NUP188: variants seen among roughly 807,000 people sequenced by gnomAD.
NUP188 encodes nucleoporin 188, also known as nucleoporin NUP188.
NUP188 carries 97 observed loss-of-function variants against 223.0 expected under a neutral mutation model. That is an observed-to-expected ratio of 0.43 (90% CI 0.37 to 0.51). The LOEUF is 0.51. Among genes scored for constraint, NUP188 ranks in the 20% least tolerant of loss-of-function variants. The pLI is 0.00. For synonymous variants in NUP188, 869 were observed against 828.0 expected, an observed-to-expected ratio of 1.05 and a Z score of -0.85; for missense variants, 1,947 against 2,175.6, an observed-to-expected ratio of 0.89 and a Z score of 2.09.
intron 26 of NUP188, 37 bp from the exon 27 acceptor site, chr9:128,993,488 G>T (rs780794028): frequency 6.2e-7 from 1 of 1,613,626 alleles, no homozygotes; most frequent in South Asian, 1.1e-5. Flanking sequence ...GCTGGCAGTG[G>T]CTGTGGAACT....
chr9:128,961,813 G>A (rs1672843436), intron 8 of NUP188, among the ~76,000 whole-genome samples: 1 of 151,704 alleles, frequency 6.6e-6, no homozygotes, highest in South Asian at 2.1e-4. Context: ...TAGATACAGG[G>A]TTTCTCCATG....
chr9:128,998,401 C>T, intron 31 of NUP188, 137 bp from the exon 32 acceptor site: 1 of 989,864 alleles, frequency 1.0e-6, no homozygotes, highest in Non-Finnish European at 1.6e-6. Context: ...GCTGCCATGC[C>T]AACCCTGGCT....
chr9:128,959,688 A>G (rs926164473), intron 8 of NUP188, among the ~76,000 whole-genome samples: 2 of 151,066 alleles, frequency 1.3e-5, no homozygotes, highest in African/African-American at 4.9e-5. Context: ...ACCTGCCACC[A>G]CGCCCAGCTA....
rs536720682 is a variant in NUP188 at position 128,961,512 on chromosome 9, A to AAAAT, written c.585+2401_585+2404dup. 2.3e-3 allele frequency among the ~76,000 whole-genome samples: 351 copies of AAAAT among 151,698 alleles called. 1 individual carries two copies. Among genetic ancestry groups the AAAAT allele is most frequent in the African/African-American group, 7.0e-3 (291 of 41,322 alleles). On this transcript the variant is annotated intron_variant, in intron 8 of 43. Coordinates refer to ENST00000372577, the MANE Select transcript of NUP188 (RefSeq NM_015354.3). ...GTGCAACAGAGCAATCTCTGTCTCA[A>AAAAT]AAATAAATAAATAAATAAATAAATA...
At chr9:128,994,535 C>A in intron 28 of NUP188, 93 bp downstream of exon 28, 1 of 834,662 alleles carries the variant, frequency 1.2e-6, no homozygotes, top group Non-Finnish European at 2.0e-6. Context: ...TGATACCTCC[C>A]CTAATTAAAC....
chr9:128,969,337 C>T, intron 9 of NUP188, 63 bp from the exon 10 acceptor site: 5 of 1,033,046 alleles, frequency 4.8e-6, no homozygotes, highest in South Asian at 2.7e-5. Flanking sequence ...TTATATCTCA[C>T]CTTTGTCTCT....
chr9:129,000,074 C>T (rs539769901), intron 34 of NUP188, among the ~76,000 whole-genome samples: 13 of 152,290 alleles, frequency 8.5e-5, no homozygotes, highest in South Asian at 2.1e-4. Flanking sequence ...ATTGTAGCCG[C>T]GGGCAAATGC....
intron 38 of NUP188, 54 bp downstream of exon 38, chr9:129,003,508 G>A (rs1199538948): frequency 6.9e-6 from 11 of 1,592,426 alleles, no homozygotes; most frequent in Admixed American, 1.7e-5. Context: ...GAGACAGGGA[G>A]GCTGTGAGGT....
chr9:128,994,596 T>C (rs1233201386), intron 28 of NUP188, among the ~76,000 whole-genome samples, 154 bp downstream of exon 28: 1 of 152,182 alleles, frequency 6.6e-6, no homozygotes, highest in Non-Finnish European at 1.5e-5. Context: ...AGTGCCAGCT[T>C]TCTGTCCCTT....
In NUP188 at chr9:129,000,742, TAAA is replaced by T. The variant is rs1842635365; in HGVS notation, c.3844-784_3844-782del. On this transcript the variant is annotated intron_variant, in intron 34 of 43. Coordinates refer to ENST00000372577, the MANE Select transcript of NUP188 (RefSeq NM_015354.3). ...TAAACGTGTACATGAGGATACAGTC[TAAA>T]AAGTCTTTATGGGCCGGGCACGGTG... Among the ~76,000 whole-genome samples the T allele has an allele frequency of 2.0e-5, 3 of 151,794 alleles. No homozygotes were observed. The East Asian group carries it at 5.8e-4, about 30-fold the overall frequency.
intron 12 of NUP188, among the ~76,000 whole-genome samples, chr9:128,976,307 T>C (rs560606003): frequency 6.6e-6 from 1 of 152,312 alleles, no homozygotes; most frequent in Non-Finnish European, 1.5e-5. Context: ...GTTTTGTAAA[T>C]TGACTAACTT....
At chr9:128,978,738 C>T (rs961682202) in intron 12 of NUP188, among the ~76,000 whole-genome samples, 1 of 152,004 alleles carries the variant, frequency 6.6e-6, no homozygotes, top group Non-Finnish European at 1.5e-5. Context: ...GAGACAGAGC[C>T]TCACTTTGTT....
Position 128,990,269 on chromosome 9 carries a change from G to A in NUP188, c.2640+43G>A, listed in dbSNP as rs1036318039. ...GCACACACACTGTTTATATGAGGGT[G>A]TTTTTTTCCCCCTGATTACAAAAGA... On this transcript the variant is annotated intron_variant, in intron 25 of 43. Coordinates refer to ENST00000372577, the MANE Select transcript of NUP188 (RefSeq NM_015354.3). The A allele has an allele frequency of 2.0e-6, 3 of 1,477,506 alleles. No homozygotes were observed. The African/African-American group carries it at 4.2e-5, about 21-fold the overall frequency. 91.5% of individuals were successfully genotyped at this position (1,477,506 alleles called of 1,614,324 possible).
intron 34 of NUP188, among the ~76,000 whole-genome samples, chr9:129,000,043 C>T (rs1025745497): frequency 6.6e-6 from 1 of 152,210 alleles, no homozygotes; most frequent in Non-Finnish European, 1.5e-5. Flanking sequence ...ACTTAGGTGC[C>T]TTTTCAGCAA....
intron 34 of NUP188, 59 bp downstream of exon 34, chr9:128,999,864 G>A: frequency 6.6e-7 from 1 of 1,508,900 alleles, no homozygotes. Context: ...CTCTGTGCCT[G>A]ACTCTGGGGA....
rs573446362 is a variant in NUP188 at position 129,006,421 on chromosome 9, G to A, written c.5073+53G>A. 1.4e-5 allele frequency: 23 copies of A among 1,613,020 alleles called. No homozygotes were observed. In the African/African-American group the frequency reaches 2.9e-4, roughly 21 times the overall value. On this transcript the variant is annotated intron_variant, in intron 43 of 43. Transcript: ENST00000372577. ...TGGACCAATAGGGCCAGAGCCCTGT[G>A]GGGTCCTGCCTGGCAACCCCCAAGG...
At chr9:128,998,340 T>C in intron 31 of NUP188, 112 bp downstream of exon 31, 1 of 1,121,286 alleles carries the variant, frequency 8.9e-7, no homozygotes, top group Non-Finnish European at 1.4e-6. Flanking sequence ...GTCACAGGGC[T>C]CACGTTGGCC....
intron 8 of NUP188, among the ~76,000 whole-genome samples, chr9:128,961,285 G>T (rs950077334): frequency 4.8e-5 from 7 of 146,724 alleles, no homozygotes; most frequent in Non-Finnish European, 7.5e-5. Flanking sequence ...AGCCGAGATT[G>T]CACCACTGCA....
At chr9:128,952,243 A>G (rs1481538816) in intron 2 of NUP188, among the ~76,000 whole-genome samples, 1 of 141,638 alleles carries the variant, frequency 7.1e-6, no homozygotes, top group Non-Finnish European at 1.5e-5. Context: ...CTAAAAATAC[A>G]AAAAAAACTG....
Sources: gnomAD v4.1 joint callset for allele counts (sites outside exome capture counted in the v4.1 genomes callset) on GRCh38, gnomAD v4.1.1 for gene constraint, MANE v1.5 for transcripts, NCBI Gene and HGNC (gene_info 2026-07-23, HGNC 2026-07-21) for gene names.